TPT1: variants seen among roughly 807,000 people sequenced by gnomAD.
TPT1 encodes the protein tumor protein, translationally-controlled 1.
TPT1 carries 5 observed loss-of-function variants against 22.8 expected under a neutral mutation model. The observed-to-expected ratio is 0.22, with a 90% confidence interval of 0.11 to 0.46. The LOEUF (loss-of-function observed/expected upper bound fraction) is 0.46. TPT1 is among the 20% of genes least tolerant of loss of function. The pLI is 0.99. For missense variants in TPT1, 130 were observed against 218.7 expected (o/e 0.59, Z 2.56); for synonymous variants, 89 against 73.6 (o/e 1.21, Z -1.07).
In TPT1 at chr13:45,333,931, CTTCT is replaced by C. The variant is rs1336282132; in HGVS notation, c.*3451_*3454del. On this transcript the variant is annotated 3_prime_UTR_variant, in exon 6 of 6. Coordinates refer to ENST00000530705, the MANE Select transcript of TPT1 (RefSeq NM_003295.4). ...TTGGTTCTTACCTCAGGGGCAGTTCCTTCTTTTTTAAAATTTTTAAACTTTTTTC... is the reference window on the plus strand; with the variant it reads ...TTGGTTCTTACCTCAGGGGCAGTTCCTTTTTAAAATTTTTAAACTTTTTTC... The C allele has an allele frequency of 3.3e-5, 5 of 152,118 alleles. No individual in the cohort carries two copies. Among genetic ancestry groups the C allele is most frequent in the African/African-American group, 9.7e-5 (4 of 41,402 alleles). The allele number at this position is 152,118 out of a possible 1,614,324, so 9.4% of individuals were successfully genotyped here. A position where few individuals can be genotyped will look rare whatever the true frequency, so the allele number is the denominator to read the frequency against.
chr13:45,337,474 G>C (rs551790418), intron 5 of TPT1, 86 bp from the exon 6 acceptor site: 73 of 1,614,074 alleles, frequency 4.5e-5, no homozygotes, highest in Non-Finnish European at 6.0e-5. Flanking sequence ...TACATTTCCA[G>C]GCTAAAGATG....
At chr13:45,337,552 T>C in intron 5 of TPT1, 164 bp from the exon 6 acceptor site, 1 of 1,611,426 alleles carries the variant, frequency 6.2e-7, no homozygotes, top group Non-Finnish European at 8.5e-7. Flanking sequence ...TTCTTTTGCA[T>C]CCTAGTGCAA....
chr13:45,338,378 C>T (rs1878855225), intron 5 of TPT1: 1 of 452,292 alleles, frequency 2.2e-6, no homozygotes, highest in African/African-American at 2.0e-5. Context: ...CCTCGGCGTC[C>T]CAAGTGCTGA....
intron 4 of TPT1, 70 bp downstream of exon 4, chr13:45,339,423 GATTA>G: frequency 7.3e-7 from 1 of 1,362,924 alleles, no homozygotes; most frequent in Non-Finnish European, 1.0e-6. Flanking sequence ...TAGAATTGAA[GATTA>G]ATCAACTTAA....
At chr13:45,338,519 TTC>T in intron 5 of TPT1, 139 bp downstream of exon 5, 2 of 1,433,258 alleles carry the variant, frequency 1.4e-6, no homozygotes, top group Non-Finnish European at 1.8e-6. Context: ...TGAAACACAA[TTC>T]TCTTGATCCC....
In TPT1 at chr13:45,339,723, A is replaced by G. The variant is rs191262950; in HGVS notation, c.294-121T>C. The G allele has an allele frequency of 1.1e-4, 98 of 876,970 alleles. No individual in the cohort carries two copies. The East Asian group carries it at 2.0e-3, about 18-fold the overall frequency. The allele number at this position is 876,970 out of a possible 1,614,324, so 54.3% of individuals were successfully genotyped here. A position where few individuals can be genotyped will look rare whatever the true frequency, so the allele number is the denominator to read the frequency against. On this transcript the variant is annotated intron_variant, in intron 3 of 5. Coordinates refer to ENST00000530705, the MANE Select transcript of TPT1 (RefSeq NM_003295.4). ...TGAAAAAGGCAACCAGCTGTTAAGAAATTACTAGTTCACAGAAGGTATCTT... is the reference window on the plus strand; with the variant it reads ...TGAAAAAGGCAACCAGCTGTTAAGAGATTACTAGTTCACAGAAGGTATCTT...
At chr13:45,340,378 C>CA (rs1339065123) in intron 2 of TPT1, 194 bp from the exon 3 acceptor site, 1 of 879,054 alleles carries the variant, frequency 1.1e-6, no homozygotes, top group Non-Finnish European at 1.8e-6. Context: ...TTGGCCGGAA[C>CA]AAAAAATGGG....
chr13:45,337,582 A>C, intron 5 of TPT1, 194 bp from the exon 6 acceptor site: 1 of 1,605,212 alleles, frequency 6.2e-7, no homozygotes, highest in Non-Finnish European at 8.5e-7. Flanking sequence ...ACAACAGTAA[A>C]TTGTTCAAGG....
At chr13:45,338,142 G>A (rs1878835492) in intron 5 of TPT1, 1 of 160,086 alleles carries the variant, frequency 6.2e-6, no homozygotes, top group South Asian at 1.8e-4. Flanking sequence ...ATTTTTTTGA[G>A]ACAGCACCTC....
rs183661232 is a variant in TPT1, at chr13:45,338,986, A to G, written c.400-210T>C. On this transcript the variant is annotated intron_variant, in intron 4 of 5. Transcript: ENST00000530705. ...TAAATAGAAAAATAACGTACAGAGCAATCCAGGAACACTAGGCTTTCAGGA... is the reference window on the plus strand; with the variant it reads ...TAAATAGAAAAATAACGTACAGAGCGATCCAGGAACACTAGGCTTTCAGGA... 473 of 464,306 alleles carry G rather than the reference A, an allele frequency of 1.0e-3. 2 individuals are homozygous for G. The highest frequency in any genetic ancestry group is 8.6e-3 in the African/African-American group (425 of 49,438). The allele number at this position is 464,306 out of a possible 1,614,324, so 28.8% of individuals were successfully genotyped here. A position where few individuals can be genotyped will look rare whatever the true frequency, so the allele number is the denominator to read the frequency against.
At chr13:45,338,873 C>G (rs1389594913) in intron 4 of TPT1, 97 bp from the exon 5 acceptor site, 2 of 1,028,138 alleles carry the variant, frequency 1.9e-6, no homozygotes, top group South Asian at 1.8e-5. Context: ...TAGACCACCA[C>G]AAAAATCAAA....
chr13:45,337,565 C>G, intron 5 of TPT1, 177 bp from the exon 6 acceptor site: 1 of 1,609,376 alleles, frequency 6.2e-7, no homozygotes, highest in Non-Finnish European at 8.5e-7. Flanking sequence ...TAGTGCAAAC[C>G]AAAAGAACAA....
rs1322380830 is a variant in TPT1, at chr13:45,336,307, T to C, written c.*1079A>G. 3 of 150,866 alleles carry C rather than the reference T, an allele frequency of 2.0e-5. No homozygotes were observed. Among genetic ancestry groups the C allele is most frequent in the Non-Finnish European group, 3.0e-5 (2 of 67,226 alleles). 9.3% of individuals were successfully genotyped at this position (150,866 alleles called of 1,614,324 possible). A position where few individuals can be genotyped will look rare whatever the true frequency, so the allele number is the denominator to read the frequency against. On this transcript the variant is annotated 3_prime_UTR_variant, in exon 6 of 6. Coordinates refer to ENST00000530705, the MANE Select transcript of TPT1 (RefSeq NM_003295.4). ...CCTGCCTCAAAAACTCTTCCCGCTT[T>C]TTTTCCTCCTGTATTCCTCTATTCA...
chr13:45,337,787 C>T (rs1444559146), intron 5 of TPT1, among the ~76,000 whole-genome samples: 8 of 152,282 alleles, frequency 5.3e-5, no homozygotes, highest in African/African-American at 1.9e-4. Flanking sequence ...TTCAGTATAG[C>T]TTTATGTTTT....
chr13:45,337,514 AAGAC>A (rs544920172), intron 5 of TPT1, 126 bp from the exon 6 acceptor site: 236 of 1,613,924 alleles, frequency 1.5e-4, no homozygotes, highest in East Asian at 8.0e-4. Flanking sequence ...GGCCGCCACA[AAGAC>A]AGACAGAAAG....
intron 4 of TPT1, 53 bp downstream of exon 4, chr13:45,339,444 C>G (rs1032287019): frequency 2.1e-5 from 32 of 1,504,414 alleles, no homozygotes; most frequent in Middle Eastern, 2.0e-4. Flanking sequence ...TTAATTTTTG[C>G]TCTTGCAGTT....
At chr13:45,340,831 C>G in intron 1 of TPT1, 46 bp from the exon 2 acceptor site, 4 of 1,487,106 alleles carry the variant, frequency 2.7e-6, no homozygotes, top group Non-Finnish European at 3.6e-6. Flanking sequence ...CTGGCGCCGC[C>G]ATTTCCCGCA....
chr13:45,340,907 C>G (rs745385988), intron 1 of TPT1, 122 bp from the exon 2 acceptor site: 64 of 1,501,898 alleles, frequency 4.3e-5, no homozygotes, highest in Non-Finnish European at 5.1e-5. Flanking sequence ...GGGCGCGAGC[C>G]CCGGGCACCG....
chr13:45,339,112 C>G (rs1275679240), intron 4 of TPT1: 3 of 304,120 alleles, frequency 9.9e-6, no homozygotes, highest in Non-Finnish European at 1.8e-5. Flanking sequence ...ATATATCATA[C>G]AGTCTGGAAG....
Sources: gnomAD v4.1 joint callset for allele counts (sites outside exome capture counted in the v4.1 genomes callset) on GRCh38, gnomAD v4.1.1 for gene constraint, MANE v1.5 for transcripts, NCBI Gene and HGNC (gene_info 2026-07-23, HGNC 2026-07-21) for gene names.